USH2A: variants seen among roughly 807,000 people sequenced by gnomAD.
USH2A encodes Usher syndrome 2A (autosomal recessive, mild).
USH2A carries 443 observed loss-of-function variants against 538.9 expected under a neutral mutation model. The observed-to-expected ratio is 0.82, with a 90% CI of 0.76 to 0.89. USH2A has a LOEUF of 0.89. Among genes scored for constraint, USH2A ranks in the 40% least tolerant of loss-of-function variants. The pLI is 0.00. For synonymous variants in USH2A, 2,413 were observed against 2,273.5 expected (o/e 1.06, Z -1.75); for missense variants, 6,633 against 6,324.8 (o/e 1.05, Z -1.65).
chr1:215,640,515 A>T (rs1046017610), intron 68 of USH2A, 43 bp downstream of exon 68: 3 of 1,611,858 alleles, frequency 1.9e-6, no homozygotes. Flanking sequence ...AAGCTGGGGA[A>T]CAGAGCGCCT....
At position 216,422,093 on chromosome 1, in the gene USH2A, G is replaced by C. The variant is rs373005305; in HGVS notation, c.244C>G (p.Arg82Gly). 6.2e-7 allele frequency: 1 copy of C among 1,613,794 alleles called. No individual in the cohort carries two copies. Among genetic ancestry groups the C allele is most frequent in the Non-Finnish European group, 8.5e-7 (1 of 1,179,882 alleles). Residue 82 changes from arginine to glycine, a missense_variant, in exon 2 of 72, where the codon CGG (arginine) becomes GGG (glycine). Physicochemically the swap from Arg to Gly is moderately radical, Grantham distance 125. Coordinates refer to ENST00000307340, the MANE Select transcript of USH2A (RefSeq NM_206933.4). Reference sequence around the variant, plus strand: ...TATGGGCAATCCTGAATACAAAACCGCTGGGTACAGAACTGAATACTTTCA... The same window carrying C: ...TATGGGCAATCCTGAATACAAAACCCCTGGGTACAGAACTGAATACTTTCA... ...AAESIQFCTQ[R>G]FCIQDCPYRS...
intron 4 of USH2A, among the ~76,000 whole-genome samples, chr1:216,329,222 C>G (rs1220368568): frequency 6.6e-6 from 1 of 152,100 alleles, no homozygotes; most frequent in African/African-American, 2.4e-5. Flanking sequence ...ACAAATTGTT[C>G]TAAAATTTAT....
intron 47 of USH2A, among the ~76,000 whole-genome samples, chr1:215,821,792 T>C (rs772495816): frequency 5.3e-5 from 8 of 151,842 alleles, no homozygotes; most frequent in Non-Finnish European, 1.2e-4. Flanking sequence ...TTGAATGCGG[T>C]AAGAGATAGG....
intron 30 of USH2A, among the ~76,000 whole-genome samples, chr1:216,068,240 T>A (rs2031444500): frequency 6.6e-6 from 1 of 152,184 alleles, no homozygotes; most frequent in African/African-American, 2.4e-5. Flanking sequence ...AGATACTTCA[T>A]GCTAGACGAA....
chr1:215,758,760 T>G lies in USH2A; in HGVS notation c.11232-8A>C. The G allele has an allele frequency of 6.2e-7, 1 of 1,613,430 alleles. No individual in the cohort carries two copies. The highest frequency in any genetic ancestry group is 8.5e-7 in the Non-Finnish European group (1 of 1,179,742). ...TCTAACTTGTAAGTGTATCTATATTTAAAAAGAAAGAAGAATTGTGGTAAG... is the reference window on the plus strand; with the variant it reads ...TCTAACTTGTAAGTGTATCTATATTGAAAAAGAAAGAAGAATTGTGGTAAG... On this transcript the variant is annotated splice_polypyrimidine_tract_variant and splice_region_variant and intron_variant, in intron 57 of 71. Coordinates refer to ENST00000307340, the MANE Select transcript of USH2A (RefSeq NM_206933.4).
chr1:215,742,546 A>G (rs1660335489), intron 59 of USH2A, among the ~76,000 whole-genome samples: 1 of 152,154 alleles, frequency 6.6e-6, no homozygotes, highest in Non-Finnish European at 1.5e-5. Context: ...AAAATGATGT[A>G]TAGCTCTCTT....
In USH2A at chr1:215,728,174, T is replaced by G; in HGVS notation, c.11922A>C (p.Gln3974His). 6.2e-7 allele frequency: 1 copy of G among 1,614,206 alleles called. No individual in the cohort carries two copies. Among genetic ancestry groups the G allele is most frequent in the Non-Finnish European group, 8.5e-7 (1 of 1,180,038 alleles). Residue 3974 changes from glutamine to histidine, a missense_variant, in exon 61 of 72, where the codon CAA (glutamine) becomes CAC (histidine). By Grantham distance (24) the Gln-to-His change is conservative. Coordinates refer to ENST00000307340, the MANE Select transcript of USH2A (RefSeq NM_206933.4). The stretch of plus-strand genomic sequence containing the variant: ...ACAGAACTGAATGAGCACTCGTGGC[T>G]TGAGCCCAAGGAGCTGGAAAATCTT... Reference protein sequence around the residue: ...PPQDFPAPWAQATSAHSVLLN... With the variant: ...PPQDFPAPWAHATSAHSVLLN...
At chr1:216,115,939 C>T (rs1331556258) in intron 21 of USH2A, among the ~76,000 whole-genome samples, 1 of 151,634 alleles carries the variant, frequency 6.6e-6, no homozygotes, top group East Asian at 1.9e-4. Flanking sequence ...TTCTATTTTA[C>T]CTTCATACCT....
intron 47 of USH2A, 92 bp downstream of exon 47, chr1:215,837,899 G>T (rs1357088785): frequency 3.8e-6 from 4 of 1,040,684 alleles, no homozygotes; most frequent in South Asian, 2.5e-5. Flanking sequence ...CCCATTAAAT[G>T]AGATTGTCAT....
intron 3 of USH2A, among the ~76,000 whole-genome samples, chr1:216,377,851 GAAA>G (rs2038860046): frequency 1.5e-5 from 2 of 133,812 alleles, no homozygotes; most frequent in Admixed American, 1.6e-4. Context: ...AAGAAAGAAA[GAAA>G]GAAAGAAAGA....
intron 37 of USH2A, among the ~76,000 whole-genome samples, chr1:215,945,834 C>T (rs1190589374): frequency 6.6e-6 from 1 of 152,058 alleles, no homozygotes; most frequent in Non-Finnish European, 1.5e-5. Flanking sequence ...CTCACTTGCA[C>T]TTGTATTGAT....
intron 61 of USH2A, among the ~76,000 whole-genome samples, chr1:215,696,263 T>C (rs1439095108): frequency 6.6e-6 from 1 of 152,188 alleles, no homozygotes; most frequent in Non-Finnish European, 1.5e-5. Flanking sequence ...GCCATTTTCT[T>C]GTTGAATAGG....
At chr1:215,671,381 A>G in intron 63 of USH2A, 88 bp from the exon 64 acceptor site, 2 of 1,349,220 alleles carry the variant, frequency 1.5e-6, no homozygotes, top group Non-Finnish European at 2.1e-6. Flanking sequence ...TTAAAAAAAA[A>G]AGACAAGCTT....
At chr1:216,249,751 C>T (rs557020090) in intron 12 of USH2A, among the ~76,000 whole-genome samples, 41 of 152,104 alleles carry the variant, frequency 2.7e-4, no homozygotes, top group African/African-American at 9.6e-4. Context: ...AATTGTGTAG[C>T]ATGATGTACA....
chr1:215,985,620 T>C (rs554286550), intron 35 of USH2A, among the ~76,000 whole-genome samples: 1 of 152,302 alleles, frequency 6.6e-6, no homozygotes, highest in African/African-American at 2.4e-5. Flanking sequence ...TTATTATTAT[T>C]ACTAATGTTA....
At chr1:215,721,086 GTT>G (rs1284295002) in intron 61 of USH2A, among the ~76,000 whole-genome samples, 1 of 151,860 alleles carries the variant, frequency 6.6e-6, no homozygotes, top group African/African-American at 2.4e-5. Flanking sequence ...TGTTGTTGTT[GTT>G]TTTTGAGACA....
chr1:215,657,967 TC>T (rs1657315865), intron 64 of USH2A, among the ~76,000 whole-genome samples: 1 of 146,002 alleles, frequency 6.8e-6, no homozygotes, highest in Non-Finnish European at 1.5e-5. Context: ...TCTCTCTCTC[TC>T]TGTTGCCCAG....
chr1:215,818,994 T>A (rs1045110615), intron 47 of USH2A, among the ~76,000 whole-genome samples: 3 of 151,868 alleles, frequency 2.0e-5, no homozygotes, highest in Non-Finnish European at 3.0e-5. Flanking sequence ...TCATTGTTTT[T>A]AAAAAAATAG....
intron 38 of USH2A, among the ~76,000 whole-genome samples, chr1:215,916,681 C>T (rs1180727165): frequency 6.6e-6 from 1 of 151,992 alleles, no homozygotes; most frequent in East Asian, 1.9e-4. Flanking sequence ...GGAAAAGAAG[C>T]AAGAATATCC....
Sources: allele counts gnomAD v4.1 joint callset (sites outside exome capture counted in the v4.1 genomes callset), GRCh38; gene constraint gnomAD v4.1.1; transcripts MANE v1.5; gene names NCBI Gene and HGNC (gene_info 2026-07-23, HGNC 2026-07-21).